KIF17: variants seen among roughly 807,000 people sequenced by gnomAD.
The protein encoded by KIF17 is kinesin-like protein KIF17.
In KIF17, 80 loss-of-function variants were observed where a neutral mutation model predicts 96.8. The ratio of observed to expected loss-of-function variants is 0.83; its 90% CI spans 0.69 to 1.00. The LOEUF (loss-of-function observed/expected upper bound fraction) is 1.00. Ranked by LOEUF, KIF17 falls within the 50% of genes least tolerant of loss-of-function variation. The pLI, the probability that KIF17 is intolerant of heterozygous loss-of-function variation, is 0.00. For missense variants in KIF17, 1,280 were observed against 1,372.9 expected (o/e 0.93, Z 1.07); for synonymous variants, 567 against 587.5 (o/e 0.97, Z 0.51).
intron 4 of KIF17, among the ~76,000 whole-genome samples, chr1:20,708,615 C>G (rs6426644): frequency 0.61 from 92,922 of 152,048 alleles, 28,512 homozygotes; most frequent in Non-Finnish European, 0.64. Flanking sequence ...CCAGACATCA[C>G]GGAGACCCGG....
At chr1:20,707,835 G>A (rs1269494855) in intron 4 of KIF17, among the ~76,000 whole-genome samples, 1 of 118,030 alleles carries the variant, frequency 8.5e-6, no homozygotes, top group African/African-American at 3.0e-5. Context: ...GTGTGTGTGT[G>A]TATAAAAAAT....
At position 20,664,619 on chromosome 1, in the gene KIF17, T is replaced by C; in HGVS notation, c.3052A>G (p.Lys1018Glu). 6.2e-7 allele frequency: 1 copy of C among 1,613,050 alleles called. No individual in the cohort carries two copies. The highest frequency in any genetic ancestry group is 1.3e-5 in the African/African-American group (1 of 74,940). Reference protein sequence around the residue: ...DIPFTKAKRKKSKSNFGSEPL With the variant: ...DIPFTKAKRKESKSNFGSEPL ...TCACTGCCAAAGTTGCTTTTGCTTT[T>C]CTTACGCTTGGCCTTGGTGAAAGGG... Residue 1018 changes from lysine to glutamate, a missense_variant, in exon 15 of 15, where the codon AAA (lysine) becomes GAA (glutamate). Lys to Glu is a moderately conservative substitution (Grantham distance 56). Transcript: ENST00000400463.
intron 2 of KIF17, among the ~76,000 whole-genome samples, chr1:20,714,839 T>C (rs1247942375): frequency 6.7e-6 from 1 of 149,536 alleles, no homozygotes; most frequent in Non-Finnish European, 1.5e-5. Context: ...AGGGAAGGCC[T>C]GGGCCAAGCA....
chr1:20,717,408 C>T (rs1342464096), intron 1 of KIF17, 68 bp downstream of exon 1: 1 of 1,560,112 alleles, frequency 6.4e-7, no homozygotes, highest in Non-Finnish European at 8.7e-7. Context: ...GGCAGCGCAG[C>T]CCCCTGGGGA....
At chr1:20,674,786 A>G (rs2053708400) in intron 11 of KIF17, among the ~76,000 whole-genome samples, 1 of 152,066 alleles carries the variant, frequency 6.6e-6, no homozygotes, top group Admixed American at 6.6e-5. Context: ...GTGAATATCC[A>G]GTTGTCCCCG....
intron 4 of KIF17, among the ~76,000 whole-genome samples, chr1:20,708,482 T>C (rs1283733868): frequency 2.0e-5 from 3 of 152,142 alleles, no homozygotes; most frequent in Non-Finnish European, 4.4e-5. Flanking sequence ...GATCCCTGGG[T>C]CAGGGATCTC....
chr1:20,712,201 C>T (rs565241178), intron 3 of KIF17, among the ~76,000 whole-genome samples: 3 of 152,020 alleles, frequency 2.0e-5, no homozygotes, highest in East Asian at 1.9e-4. Context: ...TGCTCCAGTG[C>T]GGGTTAGCAG....
At chr1:20,686,197 C>T (rs2053936175) in intron 8 of KIF17, 71 bp from the exon 9 acceptor site, 4 of 1,339,850 alleles carry the variant, frequency 3.0e-6, no homozygotes, top group Non-Finnish European at 4.2e-6. Context: ...CTCCCTCACC[C>T]CTGGCCTCAC....
At chr1:20,673,921 A>C (rs1460921649) in intron 11 of KIF17, among the ~76,000 whole-genome samples, 1 of 150,972 alleles carries the variant, frequency 6.6e-6, no homozygotes, top group Non-Finnish European at 1.5e-5. Flanking sequence ...CACTAACAAT[A>C]ATTTTTGTTT....
At chr1:20,675,779 G>A (rs1049135363) in intron 11 of KIF17, among the ~76,000 whole-genome samples, 2 of 152,306 alleles carry the variant, frequency 1.3e-5, no homozygotes, top group African/African-American at 4.8e-5. Flanking sequence ...TCACCAATAT[G>A]AGTCTGCCAA....
At chr1:20,684,258 C>A (rs1039167363) in intron 10 of KIF17, among the ~76,000 whole-genome samples, 2 of 152,262 alleles carry the variant, frequency 1.3e-5, no homozygotes, top group Admixed American at 6.5e-5. Flanking sequence ...GGGCCCAGCA[C>A]TCAGGGGTCG....
chr1:20,695,116 G>A (rs377462053), intron 6 of KIF17, among the ~76,000 whole-genome samples: 11 of 145,410 alleles, frequency 7.6e-5, no homozygotes, highest in African/African-American at 1.3e-4. Context: ...GCACGCACAC[G>A]CATACACACA....
chr1:20,690,685 A>G lies in KIF17; in HGVS notation c.1234-350T>C, dbSNP rs948499865. On this transcript the variant is annotated intron_variant, in intron 6 of 14. Coordinates refer to ENST00000400463, the MANE Select transcript of KIF17 (RefSeq NM_001122819.3). ...CTATGGGCATGCCACCATCAGCAAAAAAAAATTTTTTTTTTTTTTGAGACG... is the reference window on the plus strand; with the variant it reads ...CTATGGGCATGCCACCATCAGCAAAGAAAAATTTTTTTTTTTTTTGAGACG... Among the ~76,000 whole-genome samples the G allele has an allele frequency of 1.9e-3, 275 of 148,210 alleles. 3 individuals carry two copies. The highest frequency in any genetic ancestry group is 6.5e-3 in the African/African-American group (259 of 40,032).
chr1:20,668,309 C>CA lies in KIF17; in HGVS notation c.2791-1979dup, dbSNP rs796403922. Among the ~76,000 whole-genome samples the CA allele has an allele frequency of 4.7e-3, 633 of 134,520 alleles. 16 individuals carry two copies. The East Asian group carries it at 0.074, about 16-fold the overall frequency. The allele number at this position is 134,520 out of a possible 152,430, so 88.3% of individuals were successfully genotyped here. The stretch of plus-strand genomic sequence containing the variant: ...TGGGTAACAGAGCAAGACTCCGTCT[C>CA]AAAAAAAAAAAAAGAGGTGAAGACA... On this transcript the variant is annotated intron_variant, in intron 13 of 14. Coordinates refer to ENST00000400463, the MANE Select transcript of KIF17 (RefSeq NM_001122819.3).
At chr1:20,692,039 C>T (rs524920) in intron 6 of KIF17, among the ~76,000 whole-genome samples, 4,543 of 152,292 alleles carry the variant, frequency 0.03, 239 homozygotes, top group African/African-American at 0.1. Flanking sequence ...ATAGTGCCCA[C>T]CCAGGTGTCT....
At position 20,690,304 on chromosome 1, in the gene KIF17, G is replaced by T; in HGVS notation, c.1265C>A (p.Ala422Asp). The T allele has an allele frequency of 1.5e-6, 2 of 1,358,198 alleles. No individual in the cohort carries two copies. The highest frequency in any genetic ancestry group is 2.0e-6 in the Non-Finnish European group (2 of 1,019,872). The allele number at this position is 1,358,198 out of a possible 1,614,324, so 84.1% of individuals were successfully genotyped here. A position where few individuals can be genotyped will look rare whatever the true frequency, so the allele number is the denominator to read the frequency against. ...AGACTCCTGCTCGGCCTTATAGTCG[G>T]CTTTCAGCCGGGCCAGGCGCTCTTC... ...EYEERLARLK[A>D]DYKAEQESRA... The change falls in exon 7 of 15, where the codon GCC becomes GAC. Residue 422 changes from alanine to aspartate, a missense_variant. Transcript: ENST00000400463.
chr1:20,703,337 A>G (rs773799300), intron 5 of KIF17, among the ~76,000 whole-genome samples: 2 of 151,908 alleles, frequency 1.3e-5, no homozygotes, highest in Non-Finnish European at 2.9e-5. Context: ...GGATGCATGG[A>G]TGGATGACAG....
intron 5 of KIF17, among the ~76,000 whole-genome samples, chr1:20,703,321 A>C: frequency 6.6e-6 from 1 of 152,078 alleles, no homozygotes; most frequent in East Asian, 1.9e-4. Context: ...GGATCAGTGG[A>C]TGAATGGATG....
rs763967991 is a variant in KIF17 at position 20,686,031 on chromosome 1, C to T, written c.2019+15G>A. 4.5e-6 allele frequency: 7 copies of T among 1,549,348 alleles called. No individual in the cohort carries two copies. Among genetic ancestry groups the T allele is most frequent in the South Asian group, 1.2e-5 (1 of 84,046 alleles). On this transcript the variant is annotated intron_variant, in intron 9 of 14. Coordinates refer to ENST00000400463, the MANE Select transcript of KIF17 (RefSeq NM_001122819.3). ...GAACCCCGTCCCCCACATGGAGGCCCGGGGAGGTACTCACAGGCCTGGGCG... is the reference window on the plus strand; with the variant it reads ...GAACCCCGTCCCCCACATGGAGGCCTGGGGAGGTACTCACAGGCCTGGGCG...
Sources: allele counts gnomAD v4.1 joint callset (sites outside exome capture counted in the v4.1 genomes callset), GRCh38; gene constraint gnomAD v4.1.1; transcripts MANE v1.5; gene names NCBI Gene and HGNC (gene_info 2026-07-23, HGNC 2026-07-21).